Variants in RAD51B observed in about 807,000 individuals in gnomAD.
The protein encoded by RAD51B is DNA repair protein RAD51 homolog 2.
RAD51B carries 38 observed loss-of-function variants against 42.2 expected under a neutral mutation model. The observed-to-expected ratio is 0.90, with a 90% confidence interval of 0.70 to 1.18. RAD51B has a LOEUF of 1.18. RAD51B is among the 50% of genes most tolerant of loss of function. RAD51B has a pLI of 0.00. For missense variants in RAD51B, 373 were observed against 400.7 expected (o/e 0.93, Z 0.59); for synonymous variants, 154 against 145.2 (o/e 1.06, Z -0.43).
At chr14:67,850,793 G>A (rs1435668447) in intron 4 of RAD51B, among the ~76,000 whole-genome samples, 1 of 152,172 alleles carries the variant, frequency 6.6e-6, no homozygotes, top group Non-Finnish European at 1.5e-5. Flanking sequence ...CACAGTCTCT[G>A]TGGGGGTTTG....
At chr14:68,196,182 C>T (rs1396180090) in intron 7 of RAD51B, among the ~76,000 whole-genome samples, 1 of 147,304 alleles carries the variant, frequency 6.8e-6, no homozygotes, top group Admixed American at 6.7e-5. Flanking sequence ...CAGAGTGAGA[C>T]TCCATCTCAA....
chr14:67,859,017 A>G (rs750573876), intron 4 of RAD51B, among the ~76,000 whole-genome samples: 1 of 152,248 alleles, frequency 6.6e-6, no homozygotes, highest in African/African-American at 2.4e-5. Flanking sequence ...GGTTGTGGGA[A>G]GAAAATATTA....
chr14:68,611,249 C>T (rs1286698190), exon 11 of RAD51B: 1 of 702,790 alleles, frequency 1.4e-6, no homozygotes. Context: ...CCAGTGTAAC[C>T]CAGCCTAGTT....
intron 7 of RAD51B, among the ~76,000 whole-genome samples, chr14:68,269,346 C>G (rs557084099): frequency 1.1e-3 from 163 of 152,236 alleles, no homozygotes; most frequent in Non-Finnish European, 2.0e-3. Flanking sequence ...CACTGCCTGA[C>G]TCAGCCCTGC....
chr14:68,607,260 C>A (rs930479775), intron 10 of RAD51B, among the ~76,000 whole-genome samples: 1 of 152,200 alleles, frequency 6.6e-6, no homozygotes, highest in Non-Finnish European at 1.5e-5. Flanking sequence ...GCCAGCACTT[C>A]TGTTTGCTCT....
chr14:68,666,610 C>A (rs1893037324), intron 11 of RAD51B, among the ~76,000 whole-genome samples: 1 of 152,164 alleles, frequency 6.6e-6, no homozygotes, highest in African/African-American at 2.4e-5. Flanking sequence ...TATTAAACAA[C>A]CAGACCATTT....
intron 4 of RAD51B, among the ~76,000 whole-genome samples, chr14:67,847,036 C>T (rs898072965): frequency 1.3e-5 from 2 of 152,170 alleles, no homozygotes; most frequent in African/African-American, 4.8e-5. Context: ...ACCTCTTCAA[C>T]TCACCCCTTC....
At chr14:68,412,858 C>T (rs2084456041) in intron 9 of RAD51B, among the ~76,000 whole-genome samples, 1 of 152,176 alleles carries the variant, frequency 6.6e-6, no homozygotes, top group Non-Finnish European at 1.5e-5. Flanking sequence ...AGCTGTGTTG[C>T]AGCTTTCAGG....
At position 68,426,317 on chromosome 14, in the gene RAD51B, C is replaced by T. The variant is rs186840079; in HGVS notation, c.957+14790C>T. 1.7e-3 allele frequency among the ~76,000 whole-genome samples: 250 copies of T among 151,306 alleles called. 1 individual carries two copies. The highest frequency in any genetic ancestry group is 4.5e-3 in the African/African-American group (186 of 41,126). ...TTTCGAACTCCCGACCTCAGGTGATCCACCCACCTCAGCCTCCCAAAGTGC... is the reference window on the plus strand; with the variant it reads ...TTTCGAACTCCCGACCTCAGGTGATTCACCCACCTCAGCCTCCCAAAGTGC... On this transcript the variant is annotated intron_variant, in intron 9 of 10. Transcript: ENST00000471583.
chr14:68,302,304 A>G (rs558098284), intron 8 of RAD51B, among the ~76,000 whole-genome samples: 2 of 152,334 alleles, frequency 1.3e-5, no homozygotes, highest in African/African-American at 4.8e-5. Context: ...TAAGCAGGTT[A>G]CATTTGGTGT....
intron 10 of RAD51B, among the ~76,000 whole-genome samples, chr14:68,489,003 G>C (rs771960351): frequency 1.3e-5 from 2 of 152,038 alleles, no homozygotes; most frequent in Non-Finnish European, 2.9e-5. Flanking sequence ...GCCCAAGGCG[G>C]AGTGCAATGG....
intron 9 of RAD51B, among the ~76,000 whole-genome samples, chr14:68,441,864 G>A (rs1022131220): frequency 8.5e-5 from 13 of 152,128 alleles, no homozygotes; most frequent in African/African-American, 2.9e-4. Context: ...CATTATCAAC[G>A]GGCGCTGGCC....
chr14:68,300,907 G>A (rs1275563089), intron 8 of RAD51B, among the ~76,000 whole-genome samples: 1 of 152,186 alleles, frequency 6.6e-6, no homozygotes, highest in Non-Finnish European at 1.5e-5. Flanking sequence ...AGGGCAGCTG[G>A]ATAACTAAAA....
At chr14:68,300,213 A>G (rs796292263) in intron 8 of RAD51B, among the ~76,000 whole-genome samples, 10 of 152,048 alleles carry the variant, frequency 6.6e-5, no homozygotes, top group African/African-American at 2.2e-4. Context: ...CATTCTCAGC[A>G]TCTTCTCCTT....
In RAD51B at chr14:68,146,117, A is replaced by G. The variant is rs139191338; in HGVS notation, c.757-145767A>G. Reference sequence around the variant, plus strand: ...GTGGGGAGGTGGAATGAGTTAGGAAACAAAAGCTAAGATGGATTTAGCAAA... The same window carrying G: ...GTGGGGAGGTGGAATGAGTTAGGAAGCAAAAGCTAAGATGGATTTAGCAAA... On this transcript the variant is annotated intron_variant, in intron 7 of 10. Coordinates refer to ENST00000471583, the MANE Select transcript of RAD51B (RefSeq NM_133510.4). Among the ~76,000 whole-genome samples the G allele has an allele frequency of 3.9e-5, 6 of 152,296 alleles. No individual in the cohort carries two copies. In the East Asian group the frequency reaches 1.2e-3, roughly 29 times the overall value.
intron 10 of RAD51B, among the ~76,000 whole-genome samples, chr14:68,514,024 C>T (rs1885949912): frequency 6.6e-6 from 1 of 152,178 alleles, no homozygotes; most frequent in Non-Finnish European, 1.5e-5. Flanking sequence ...AAGGTGTTTG[C>T]CTGTCTCACT....
chr14:68,389,365 A>C (rs1473952173), intron 8 of RAD51B, among the ~76,000 whole-genome samples: 1 of 151,048 alleles, frequency 6.6e-6, no homozygotes, highest in Non-Finnish European at 1.5e-5. Context: ...TTTGAACTTT[A>C]TATAAATGGA....
intron 10 of RAD51B, chr14:68,594,368 T>C: frequency 7.3e-6 from 7 of 965,224 alleles, no homozygotes; most frequent in Non-Finnish European, 1.0e-5. Context: ...TCCTATGCCA[T>C]ACCCCTTGAA....
At chr14:68,546,821 T>C (rs1297579978) in intron 10 of RAD51B, among the ~76,000 whole-genome samples, 3 of 152,060 alleles carry the variant, frequency 2.0e-5, no homozygotes, top group Admixed American at 1.3e-4. Flanking sequence ...TCAGTGGGAA[T>C]GGGAGCTGTT....
Sources: gnomAD v4.1 joint callset for allele counts (sites outside exome capture counted in the v4.1 genomes callset) on GRCh38, gnomAD v4.1.1 for gene constraint, MANE v1.5 for transcripts, NCBI Gene and HGNC (gene_info 2026-07-23, HGNC 2026-07-21) for gene names.